TXNDC12: variants seen among roughly 807,000 people sequenced by gnomAD.
The protein encoded by TXNDC12 is thioredoxin domain containing 12, also known as thioredoxin domain-containing protein 12.
In TXNDC12, 22 loss-of-function variants were observed where a neutral mutation model predicts 24.2. The observed-to-expected ratio is 0.91, with a 90% CI of 0.65 to 1.30. TXNDC12 has a LOEUF of 1.30. TXNDC12 is among the 50% of genes most tolerant of loss of function. TXNDC12 has a pLI of 0.00. For missense variants in TXNDC12, 184 were observed against 205.8 expected (o/e 0.89, Z 0.65); for synonymous variants, 58 against 73.4 (o/e 0.79, Z 1.07).
chr1:52,023,998 T>G (rs1454962546), intron 5 of TXNDC12, among the ~76,000 whole-genome samples: 1 of 151,962 alleles, frequency 6.6e-6, no homozygotes, highest in Non-Finnish European at 1.5e-5. Context: ...CTCTTTTTTT[T>G]TTTTTTGAGA....
intron 4 of TXNDC12, among the ~76,000 whole-genome samples, chr1:52,026,441 A>C (rs1359872490): frequency 6.6e-6 from 1 of 152,226 alleles, no homozygotes; most frequent in African/African-American, 2.4e-5. Context: ...TTTCATAAGG[A>C]AACAAGCAGG....
chr1:52,026,451 G>A (rs1373301070), intron 4 of TXNDC12, among the ~76,000 whole-genome samples: 2 of 152,188 alleles, frequency 1.3e-5, no homozygotes, highest in African/African-American at 4.8e-5. Flanking sequence ...AAACAAGCAG[G>A]TTGCACATAT....
chr1:52,029,083 G>C (rs1324772361), intron 2 of TXNDC12, among the ~76,000 whole-genome samples: 1 of 152,050 alleles, frequency 6.6e-6, no homozygotes, highest in Non-Finnish European at 1.5e-5. Flanking sequence ...AGCTGAGACC[G>C]CACCACTACA....
intron 2 of TXNDC12, among the ~76,000 whole-genome samples, chr1:52,038,163 C>T (rs1685918992): frequency 6.6e-6 from 1 of 151,962 alleles, no homozygotes. Context: ...TATTAATGTC[C>T]TTTGTGGCTT....
At chr1:52,053,145 C>A (rs1213100826) in intron 1 of TXNDC12, among the ~76,000 whole-genome samples, 8 of 151,676 alleles carry the variant, frequency 5.3e-5, no homozygotes, top group African/African-American at 1.9e-4. Flanking sequence ...TGCCTGTAGT[C>A]CCAGCTACTT....
intron 1 of TXNDC12, among the ~76,000 whole-genome samples, chr1:52,053,580 C>T (rs1004607609): frequency 2.0e-5 from 3 of 152,082 alleles, no homozygotes; most frequent in Non-Finnish European, 4.4e-5. Flanking sequence ...AGGAGAATCG[C>T]TTGAACCCAG....
chr1:52,040,448 A>G (rs1685963977), intron 2 of TXNDC12, among the ~76,000 whole-genome samples: 1 of 152,142 alleles, frequency 6.6e-6, no homozygotes, highest in Non-Finnish European at 1.5e-5. Context: ...CAACCTACCA[A>G]AGTGCTGGGA....
chr1:52,028,778 T>C (rs756574457), intron 2 of TXNDC12, 148 bp from the exon 3 acceptor site: 67 of 713,938 alleles, frequency 9.4e-5, no homozygotes, highest in Non-Finnish European at 1.2e-4. Context: ...ATAATTGCTG[T>C]AACAAAATTA....
intron 2 of TXNDC12, among the ~76,000 whole-genome samples, chr1:52,034,327 G>A (rs1685842294): frequency 2.6e-5 from 4 of 152,154 alleles, no homozygotes; most frequent in South Asian, 4.1e-4. Flanking sequence ...TGCAGGTGAG[G>A]TTATAAAAGA....
intron 1 of TXNDC12, among the ~76,000 whole-genome samples, chr1:52,048,791 G>C (rs536301541): frequency 1.4e-4 from 21 of 151,730 alleles, no homozygotes; most frequent in Non-Finnish European, 2.7e-4. Flanking sequence ...CAGGAGGCAG[G>C]GGTTGCAGTG....
At chr1:52,033,212 A>C (rs1572002517) in intron 2 of TXNDC12, 1 of 1,613,902 alleles carries the variant, frequency 6.2e-7, no homozygotes, top group Non-Finnish European at 8.5e-7. Flanking sequence ...AGAGCTGGAG[A>C]CTCCGCAGCC....
chr1:52,049,430 A>G (rs1201960319), intron 1 of TXNDC12, among the ~76,000 whole-genome samples: 1 of 152,154 alleles, frequency 6.6e-6, no homozygotes, highest in Non-Finnish European at 1.5e-5. Flanking sequence ...TCTCTACTCT[A>G]CAAAAATTAG....
At chr1:52,040,133 A>G (rs1685958941) in intron 2 of TXNDC12, among the ~76,000 whole-genome samples, 1 of 152,016 alleles carries the variant, frequency 6.6e-6, no homozygotes, top group Non-Finnish European at 1.5e-5. Flanking sequence ...GGGTTTTACC[A>G]TGTTGGCCAG....
chr1:52,025,717 A>C (rs1312184854), intron 4 of TXNDC12, among the ~76,000 whole-genome samples: 4 of 152,304 alleles, frequency 2.6e-5, no homozygotes, highest in African/African-American at 9.6e-5. Context: ...GAGGTGTATC[A>C]GCATTCAGGC....
At chr1:52,028,455 T>C (rs1363135511) in intron 3 of TXNDC12, 123 bp downstream of exon 3, 5 of 724,898 alleles carry the variant, frequency 6.9e-6, no homozygotes, top group Middle Eastern at 3.6e-4. Context: ...CTATGTCATA[T>C]GTTTCTTTAG....
At chr1:52,041,464 C>T (rs1035671706) in intron 2 of TXNDC12, 73 bp downstream of exon 2, 4 of 1,066,440 alleles carry the variant, frequency 3.8e-6, no homozygotes, top group African/African-American at 3.1e-5. Context: ...TAGCCCTTCA[C>T]CTGAAATTAA....
chr1:52,042,692 G>A (rs892195200), intron 1 of TXNDC12, among the ~76,000 whole-genome samples: 5 of 151,880 alleles, frequency 3.3e-5, no homozygotes, highest in African/African-American at 9.7e-5. Context: ...GCATGATCTC[G>A]GCTCACCGCA....
At chr1:52,054,400 A>AC (rs1383379667) in intron 1 of TXNDC12, among the ~76,000 whole-genome samples, 2 of 152,166 alleles carry the variant, frequency 1.3e-5, no homozygotes, top group Admixed American at 6.6e-5. Context: ...ACACCTCCTA[A>AC]CCTCCATTCA....
intron 2 of TXNDC12, chr1:52,032,854 G>T (rs1189631426): frequency 1.2e-6 from 2 of 1,614,226 alleles, no homozygotes; most frequent in South Asian, 2.2e-5. Flanking sequence ...GTGCTCTGTG[G>T]TACCAGGAAG....
Sources: allele counts gnomAD v4.1 joint callset (sites outside exome capture counted in the v4.1 genomes callset), GRCh38; gene constraint gnomAD v4.1.1; transcripts MANE v1.5; gene names NCBI Gene and HGNC (gene_info 2026-07-23, HGNC 2026-07-21).